TNFSF11: variants seen among roughly 807,000 people sequenced by gnomAD.
The protein encoded by TNFSF11 is TNF superfamily member 11.
In TNFSF11, 12 loss-of-function variants were observed where a neutral mutation model predicts 32.2. The ratio of observed to expected loss-of-function variants is 0.37; its 90% CI spans 0.24 to 0.60. The LOEUF is 0.60. Among genes scored for constraint, TNFSF11 ranks in the 20% least tolerant of loss-of-function variants. TNFSF11 has a pLI of 0.66. For missense variants in TNFSF11, 345 were observed against 398.0 expected, an observed-to-expected ratio of 0.87 and a Z score of 1.13; for synonymous variants, 172 against 152.1, an observed-to-expected ratio of 1.13 and a Z score of -0.96.
intron 1 of TNFSF11, among the ~76,000 whole-genome samples, chr13:42,575,869 T>G (rs920045170): frequency 2.0e-5 from 3 of 152,244 alleles, no homozygotes; most frequent in African/African-American, 7.2e-5. Flanking sequence ...CATTGGAGTG[T>G]GTTGCAATAA....
rs557938859 is a variant in TNFSF11 at position 42,599,127 on chromosome 13, G to A, written c.388-1625G>A. 5.3e-5 allele frequency among the ~76,000 whole-genome samples: 8 copies of A among 152,284 alleles called. No homozygotes were observed. The East Asian group carries it at 9.6e-4, about 18-fold the overall frequency. On this transcript the variant is annotated intron_variant, in intron 2 of 4. Coordinates refer to ENST00000398795, the MANE Select transcript of TNFSF11 (RefSeq NM_003701.4). Reference sequence around the variant, plus strand: ...TAGGGTTTCTTTCTAAGAGTCAGCCGCACTGTGACTAGAACTTCAGAACAG... The same window carrying A: ...TAGGGTTTCTTTCTAAGAGTCAGCCACACTGTGACTAGAACTTCAGAACAG...
intron 2 of TNFSF11, among the ~76,000 whole-genome samples, chr13:42,599,401 C>T (rs1310705256): frequency 1.5e-5 from 2 of 134,670 alleles, no homozygotes; most frequent in African/African-American, 2.9e-5. Context: ...TCTCAAAGCC[C>T]TCCTCTCTAG....
At chr13:42,576,651 G>T (rs1382735358) in intron 1 of TNFSF11, among the ~76,000 whole-genome samples, 2 of 152,056 alleles carry the variant, frequency 1.3e-5, no homozygotes, top group East Asian at 1.9e-4. Flanking sequence ...CTTCAGTAAA[G>T]AAAAAATATT....
intron 1 of TNFSF11, among the ~76,000 whole-genome samples, chr13:42,576,442 A>G (rs186328131): frequency 2.0e-5 from 3 of 152,290 alleles, no homozygotes; most frequent in Admixed American, 2.0e-4. Context: ...ATAGTGAAAC[A>G]TTCAGAACCC....
chr13:42,568,608 C>T (rs930249714), intron 2 of TNFSF11, among the ~76,000 whole-genome samples: 4 of 152,086 alleles, frequency 2.6e-5, no homozygotes, highest in Admixed American at 2.6e-4. Flanking sequence ...GAGGCCGGTC[C>T]TAGGTGAGAA....
chr13:42,584,621 C>T (rs1566378766), intron 2 of TNFSF11, among the ~76,000 whole-genome samples: 1 of 152,322 alleles, frequency 6.6e-6, no homozygotes, highest in Non-Finnish European at 1.5e-5. Context: ...CTTTTGGAGA[C>T]ATGATGCCTC....
Position 42,574,393 on chromosome 13 carries a change from G to T in TNFSF11, c.90G>T (p.Leu30=). 2.6e-6 allele frequency: 4 copies of T among 1,551,758 alleles called. No individual in the cohort carries two copies. Among genetic ancestry groups the T allele is most frequent in the Non-Finnish European group, 3.5e-6 (4 of 1,150,294 alleles). ...CCGGAGCCCCGCACGAGGGCCCCCT[G>T]CACGCCCCGCCGCCGCCTGCGCCGC... ...GGPGAPHEGP[L]HAPPPPAPHQ... The change falls in exon 1 of 5, where the codon CTG becomes CTT. Residue 30 remains leucine, a synonymous_variant. Transcript: ENST00000398795.
upstream of TNFSF11, among the ~76,000 whole-genome samples, chr13:42,572,213 A>G (rs1177694459): frequency 6.6e-6 from 1 of 152,198 alleles, no homozygotes; most frequent in African/African-American, 2.4e-5. Flanking sequence ...ACGGTCCCAT[A>G]TATGAAGCTC....
At chr13:42,566,446 A>G (rs186993019) in intron 1 of TNFSF11, among the ~76,000 whole-genome samples, 1 of 152,368 alleles carries the variant, frequency 6.6e-6, no homozygotes, top group East Asian at 1.9e-4. Flanking sequence ...ACTTGAATCA[A>G]ATAAACTCAG....
chr13:42,574,933 C>G (rs1373616873), intron 1 of TNFSF11, among the ~76,000 whole-genome samples: 1 of 152,258 alleles, frequency 6.6e-6, no homozygotes. Flanking sequence ...AGCGCCTTCA[C>G]TTGGGCATCT....
At chr13:42,580,915 G>A (rs1326478106) in intron 1 of TNFSF11, among the ~76,000 whole-genome samples, 1 of 152,152 alleles carries the variant, frequency 6.6e-6, no homozygotes. Flanking sequence ...GACTAACTGT[G>A]CCTTGTCCTG....
intron 4 of TNFSF11, among the ~76,000 whole-genome samples, chr13:42,601,206 G>T (rs912293022): frequency 6.6e-6 from 1 of 152,202 alleles, no homozygotes. Context: ...CAGATCATCA[G>T]AATGGATGCT....
At chr13:42,605,739 A>T (rs950508450) in intron 4 of TNFSF11, among the ~76,000 whole-genome samples, 1 of 152,202 alleles carries the variant, frequency 6.6e-6, no homozygotes, top group African/African-American at 2.4e-5. Flanking sequence ...TAAGCTAGGG[A>T]GTGCAATGCT....
Position 42,600,979 on chromosome 13 carries a change from C to G in TNFSF11, c.530C>G (p.Ser177Cys), listed in dbSNP as rs370210320. The change falls in exon 4 of 5, where the codon TCT becomes TGT. Residue 177 changes from serine (S) to cysteine (C), a missense_variant and splice_region_variant. Coordinates refer to ENST00000398795, the MANE Select transcript of TNFSF11 (RefSeq NM_003701.4). ...HLTINATDIP[S>C]GSHKVSLSSW... ...ACTATTAATGCCACCGACATCCCAT[C>G]TGGTAAGCTCTATCTGCATCCAGCC... 1 of 1,614,014 alleles carries G rather than the reference C, an allele frequency of 6.2e-7. No homozygotes were observed. The highest frequency in any genetic ancestry group is 8.5e-7 in the Non-Finnish European group (1 of 1,179,986).
In TNFSF11 at chr13:42,574,459, C is replaced by T. The variant is rs942627797; in HGVS notation, c.156C>T (p.Leu52=). 6 of 1,608,802 alleles carry T rather than the reference C, an allele frequency of 3.7e-6. No homozygotes were observed. Among genetic ancestry groups the T allele is most frequent in the African/African-American group, 1.3e-5 (1 of 74,886 alleles). ...PAASRSMFVA[L]LGLGLGQVVC... is the part of the protein sequence containing the mutation. ...CCTCCCGCTCCATGTTCGTGGCCCT[C>T]CTGGGGCTGGGGCTGGGCCAGGTTG... Residue 52 remains leucine (L), a synonymous_variant, in exon 1 of 5, where the codon CTC becomes CTT. Coordinates refer to ENST00000398795, the MANE Select transcript of TNFSF11 (RefSeq NM_003701.4).
At chr13:42,584,738 T>C (rs1873800149) in intron 2 of TNFSF11, among the ~76,000 whole-genome samples, 1 of 152,250 alleles carries the variant, frequency 6.6e-6, no homozygotes, top group Non-Finnish European at 1.5e-5. Context: ...TAAGGGCACG[T>C]AGTCTTAATT....
At chr13:42,587,065 C>A (rs1873933725) in intron 2 of TNFSF11, among the ~76,000 whole-genome samples, 1 of 152,202 alleles carries the variant, frequency 6.6e-6, no homozygotes, top group Non-Finnish European at 1.5e-5. Context: ...TTTTCCCTCT[C>A]ACATAACAAT....
chr13:42,584,755 A>ATAGGT (rs536308924), intron 2 of TNFSF11, among the ~76,000 whole-genome samples: 12 of 152,226 alleles, frequency 7.9e-5, no homozygotes, highest in Non-Finnish European at 1.6e-4. Flanking sequence ...AATTATACTG[A>ATAGGT]TAGGTTATTA....
intron 2 of TNFSF11, among the ~76,000 whole-genome samples, chr13:42,599,349 C>CCATCT (rs11385072): frequency 1.2e-4 from 14 of 112,246 alleles, no homozygotes; most frequent in Admixed American, 3.8e-4. Flanking sequence ...ATCTATCTAT[C>CCATCT]ATCTATCTAT....
Sources: gnomAD v4.1 joint callset for allele counts (sites outside exome capture counted in the v4.1 genomes callset) on GRCh38, gnomAD v4.1.1 for gene constraint, MANE v1.5 for transcripts, NCBI Gene and HGNC (gene_info 2026-07-23, HGNC 2026-07-21) for gene names.